The following ESRRG variants were observed in gnomAD, a reference collection of about 807,000 sequenced individuals.
ESRRG encodes the protein estrogen related receptor gamma.
In ESRRG, 13 loss-of-function variants were observed where a neutral mutation model predicts 44.0. That is an observed-to-expected ratio of 0.30 (90% CI 0.19 to 0.47). The LOEUF is 0.47. ESRRG is among the 20% of genes least tolerant of loss of function. The pLI, the probability that ESRRG is intolerant of heterozygous loss-of-function variation, is 1.00. For synonymous variants in ESRRG, 215 were observed against 214.6 expected (o/e 1.00, Z -0.02); for missense variants, 395 against 580.6 (o/e 0.68, Z 3.29).
At chr1:217,015,710 G>C (rs926282784) in intron 1 of ESRRG, among the ~76,000 whole-genome samples, 2 of 150,056 alleles carry the variant, frequency 1.3e-5, no homozygotes, top group Admixed American at 6.7e-5. Flanking sequence ...GTTTGTGTGG[G>C]GGGTGAGAGG....
intron 2 of ESRRG, among the ~76,000 whole-genome samples, chr1:216,857,428 A>G (rs762576389): frequency 4.6e-5 from 7 of 152,090 alleles, no homozygotes; most frequent in Non-Finnish European, 8.8e-5. Flanking sequence ...TCTGCTTAGA[A>G]TTTATTAACT....
At chr1:216,569,111 A>AAGAAGGAAGGAAGAAG (rs2060230110) in intron 3 of ESRRG, among the ~76,000 whole-genome samples, 1 of 104,362 alleles carries the variant, frequency 9.6e-6, no homozygotes, top group Admixed American at 1.0e-4. Flanking sequence ...GAAGGAAGGA[A>AAGAAGGAAGGAAGAAG]GAAGGAAGGA....
chr1:216,606,936 A>G (rs1269565417), intron 3 of ESRRG, among the ~76,000 whole-genome samples: 1 of 152,222 alleles, frequency 6.6e-6, no homozygotes, highest in Non-Finnish European at 1.5e-5. Flanking sequence ...AAAGATTTTC[A>G]TCTGGTTAAC....
At chr1:216,781,758 T>C (rs1045967986) in intron 2 of ESRRG, among the ~76,000 whole-genome samples, 12 of 151,952 alleles carry the variant, frequency 7.9e-5, no homozygotes, top group Non-Finnish European at 1.3e-4. Context: ...ACAAAAACCA[T>C]AGGGGAGTGG....
At chr1:216,675,338 C>T (rs1306016390) in intron 2 of ESRRG, among the ~76,000 whole-genome samples, 1 of 151,354 alleles carries the variant, frequency 6.6e-6, no homozygotes. Flanking sequence ...CTAGCCTGGG[C>T]CACAAGAGTA....
At chr1:217,060,989 C>CT (rs34948852) in intron 1 of ESRRG, among the ~76,000 whole-genome samples, 6 of 150,866 alleles carry the variant, frequency 4.0e-5, no homozygotes, top group Admixed American at 2.0e-4. Context: ...CATGGGTAGT[C>CT]TTTTTTTTTT....
intron 5 of ESRRG, among the ~76,000 whole-genome samples, chr1:216,554,886 C>T (rs747206878): frequency 2.0e-5 from 3 of 152,160 alleles, no homozygotes; most frequent in Middle Eastern, 3.2e-3. Flanking sequence ...CGTTTGCCTT[C>T]CTCTTCTCCT....
intron 5 of ESRRG, among the ~76,000 whole-genome samples, chr1:216,543,691 G>A (rs1034081540): frequency 2.0e-5 from 3 of 151,676 alleles, no homozygotes; most frequent in Non-Finnish European, 2.9e-5. Flanking sequence ...TCTGTTCACT[G>A]GAAAAATAGT....
chr1:216,700,811 C>G (rs912806168), intron 1 of ESRRG, among the ~76,000 whole-genome samples: 1 of 152,078 alleles, frequency 6.6e-6, no homozygotes, highest in African/African-American at 2.4e-5. Flanking sequence ...TTTTCATAGT[C>G]GTATTCTTAC....
intron 3 of ESRRG, among the ~76,000 whole-genome samples, chr1:216,610,757 T>A (rs561664736): frequency 6.6e-6 from 1 of 152,250 alleles, no homozygotes; most frequent in South Asian, 2.1e-4. Flanking sequence ...TGAGCACTAA[T>A]CCTGTGAAAA....
intron 2 of ESRRG, among the ~76,000 whole-genome samples, chr1:216,879,604 T>C (rs990688019): frequency 6.6e-6 from 1 of 152,128 alleles, no homozygotes; most frequent in Admixed American, 6.5e-5. Flanking sequence ...TATTTTGCTG[T>C]TTCATTTCTC....
At chr1:216,519,563 G>A (rs2045430310) in intron 5 of ESRRG, 142 bp from the exon 6 acceptor site, 2 of 785,568 alleles carry the variant, frequency 2.5e-6, no homozygotes, top group Non-Finnish European at 3.9e-6. Context: ...ATTTTCCCTG[G>A]ATCACTTTGC....
At chr1:216,658,129 GT>G (rs2071113893) in intron 2 of ESRRG, among the ~76,000 whole-genome samples, 1 of 152,130 alleles carries the variant, frequency 6.6e-6, no homozygotes, top group Admixed American at 6.6e-5. Flanking sequence ...AGTGTCCTGT[GT>G]TTGGGAGAGT....
chr1:216,772,850 A>AT (rs5742079), intron 2 of ESRRG, among the ~76,000 whole-genome samples: 34,321 of 147,480 alleles, frequency 0.23, 4,077 homozygotes, highest in East Asian at 0.31. Context: ...GCACTAGCAC[A>AT]TTTTTTTTTT....
intron 3 of ESRRG, among the ~76,000 whole-genome samples, chr1:216,590,019 T>C (rs987743814): frequency 6.6e-6 from 1 of 151,332 alleles, no homozygotes; most frequent in Non-Finnish European, 1.5e-5. Context: ...CATGGTGATA[T>C]TACTGCAAGA....
intron 2 of ESRRG, among the ~76,000 whole-genome samples, chr1:216,861,516 A>C (rs1022454019): frequency 6.6e-6 from 1 of 152,028 alleles, no homozygotes; most frequent in African/African-American, 2.4e-5. Context: ...TAAAAGTACT[A>C]AAAGCAAAAA....
At chr1:216,695,750 T>C (rs1035282448) in intron 1 of ESRRG, among the ~76,000 whole-genome samples, 2 of 152,208 alleles carry the variant, frequency 1.3e-5, no homozygotes, top group Middle Eastern at 3.2e-3. Context: ...GTTTATGGCA[T>C]TAGTTTAAAT....
chr1:216,764,054 G>A (rs1312867214), intron 2 of ESRRG, among the ~76,000 whole-genome samples: 2 of 152,040 alleles, frequency 1.3e-5, no homozygotes, highest in African/African-American at 2.4e-5. Flanking sequence ...TGTGGCTATC[G>A]GAATCTCCAG....
intron 2 of ESRRG, among the ~76,000 whole-genome samples, chr1:216,785,722 T>A (rs1409635183): frequency 6.6e-6 from 1 of 152,036 alleles, no homozygotes; most frequent in African/African-American, 2.4e-5. Flanking sequence ...TTCCAAAATA[T>A]AATTTTTAGC....
Sources: allele counts gnomAD v4.1 joint callset (sites outside exome capture counted in the v4.1 genomes callset), GRCh38; gene constraint gnomAD v4.1.1; transcripts MANE v1.5; gene names NCBI Gene and HGNC (gene_info 2026-07-23, HGNC 2026-07-21).